OXR1: variants seen among roughly 807,000 people sequenced by gnomAD.
OXR1 encodes oxidation resistance protein 1.
In OXR1, 41 loss-of-function variants were observed where a neutral mutation model predicts 104.6. The ratio of observed to expected loss-of-function variants is 0.39; its 90% confidence interval spans 0.31 to 0.51. OXR1 has a LOEUF of 0.51. Among genes scored for constraint, OXR1 ranks in the 20% least tolerant of loss-of-function variants. The pLI is 0.77. For synonymous variants in OXR1, 348 were observed against 348.4 expected (o/e 1.00, Z 0.01); for missense variants, 955 against 1,031.9 (o/e 0.93, Z 1.02).
At chr8:106,303,869 T>C (rs1813367712) in intron 1 of OXR1, among the ~76,000 whole-genome samples, 1 of 152,226 alleles carries the variant, frequency 6.6e-6, no homozygotes, top group South Asian at 2.1e-4. Flanking sequence ...TTCAGTAATT[T>C]TTCGCTTAAG....
At chr8:106,620,081 C>T (rs528736030) in intron 3 of OXR1, among the ~76,000 whole-genome samples, 3 of 152,218 alleles carry the variant, frequency 2.0e-5, no homozygotes, top group East Asian at 3.9e-4. Flanking sequence ...AGCACTTAAA[C>T]CTCTTCATCT....
At chr8:106,271,263 G>C (rs1811793604) in intron 1 of OXR1, among the ~76,000 whole-genome samples, 1 of 150,738 alleles carries the variant, frequency 6.6e-6, no homozygotes, top group African/African-American at 2.5e-5. Flanking sequence ...TACCCGGCTT[G>C]GACGCACCTC....
chr8:106,524,898 A>T (rs1439081457), intron 3 of OXR1, among the ~76,000 whole-genome samples: 1 of 152,148 alleles, frequency 6.6e-6, no homozygotes, highest in Non-Finnish European at 1.5e-5. Flanking sequence ...TGGGCTCCAT[A>T]GAGCAAGACA....
At chr8:106,602,220 G>A (rs1240693848) in intron 3 of OXR1, among the ~76,000 whole-genome samples, 1 of 152,142 alleles carries the variant, frequency 6.6e-6, no homozygotes, top group African/African-American at 2.4e-5. Flanking sequence ...TTTTTTCTAA[G>A]CCACTAGATT....
chr8:106,687,107 C>G (rs1239141331), intron 6 of OXR1, among the ~76,000 whole-genome samples: 2 of 152,204 alleles, frequency 1.3e-5, no homozygotes, highest in African/African-American at 4.8e-5. Flanking sequence ...AGTGCACTCT[C>G]TCTTGCCCTT....
At chr8:106,717,853 T>G (rs1328931676) in intron 11 of OXR1, among the ~76,000 whole-genome samples, 1 of 152,178 alleles carries the variant, frequency 6.6e-6, no homozygotes, top group Non-Finnish European at 1.5e-5. Context: ...TTCTGGACAT[T>G]TTAACTAATA....
At chr8:106,668,707 T>C (rs919826235) in intron 3 of OXR1, among the ~76,000 whole-genome samples, 2 of 152,182 alleles carry the variant, frequency 1.3e-5, no homozygotes, top group Non-Finnish European at 2.9e-5. Flanking sequence ...GTAACAATAA[T>C]ATAGTCTATC....
Position 106,612,099 on chromosome 8 carries a change from G to GTT in OXR1, c.221-67103_221-67102dup, listed in dbSNP as rs11443786. On this transcript the variant is annotated intron_variant, in intron 3 of 16. Transcript: ENST00000517566. ...ACTCATTTCATAATTTTCTCCTTCA[G>GTT]TTTTTTTTTGTATTTGAGCTTTGCT... 1.1e-3 allele frequency among the ~76,000 whole-genome samples: 163 copies of GTT among 150,690 alleles called. No homozygotes were observed. In the East Asian group the frequency reaches 0.014, roughly 13 times the overall value.
intron 8 of OXR1, among the ~76,000 whole-genome samples, chr8:106,706,143 A>G (rs1480463428): frequency 6.6e-6 from 1 of 152,186 alleles, no homozygotes; most frequent in Admixed American, 6.5e-5. Context: ...TATTTCCTAA[A>G]TATTAAGCAA....
At chr8:106,394,327 A>G (rs548204863) in intron 2 of OXR1, among the ~76,000 whole-genome samples, 1 of 151,890 alleles carries the variant, frequency 6.6e-6, no homozygotes, top group South Asian at 2.1e-4. Flanking sequence ...AAGATAAAAC[A>G]ATTTCTTACA....
intron 2 of OXR1, among the ~76,000 whole-genome samples, chr8:106,362,679 G>A (rs924687440): frequency 6.6e-6 from 1 of 152,184 alleles, no homozygotes; most frequent in Admixed American, 6.5e-5. Context: ...GAGAGACAAT[G>A]AGTAAGTTGA....
chr8:106,508,899 T>G (rs775001607), intron 2 of OXR1, among the ~76,000 whole-genome samples: 18 of 152,248 alleles, frequency 1.2e-4, no homozygotes, highest in Non-Finnish European at 2.6e-4. Context: ...GAAGCTATCT[T>G]GATTAAGTTT....
chr8:106,697,380 TA>T, intron 7 of OXR1: 1 of 1,233,132 alleles, frequency 8.1e-7, no homozygotes. Context: ...TCTACATGTA[TA>T]TTAACCACTC....
chr8:106,502,921 G>A (rs189735342), intron 2 of OXR1, among the ~76,000 whole-genome samples: 34 of 152,186 alleles, frequency 2.2e-4, no homozygotes, highest in Admixed American at 1.9e-3. Flanking sequence ...AAATCCACAC[G>A]AATATTAGAA....
Position 106,751,182 on chromosome 8 carries a change from T to A in OXR1, c.*241T>A, listed in dbSNP as rs571184276. ...TACTAGTATAACAGCTTGGGTTTGT[T>A]AGAATTTGGGCAACATTTTGATTAT... On this transcript the variant is annotated 3_prime_UTR_variant, in exon 17 of 17. Coordinates refer to ENST00000517566, the MANE Select transcript of OXR1 (RefSeq NM_001198533.2). The A allele has an allele frequency of 3.2e-6, 1 of 310,924 alleles. No individual in the cohort carries two copies. The highest frequency in any genetic ancestry group is 2.1e-5 in the African/African-American group (1 of 46,830). 19.3% of individuals were successfully genotyped at this position (310,924 alleles called of 1,614,324 possible).
chr8:106,701,424 A>G (rs1037697527), intron 7 of OXR1, among the ~76,000 whole-genome samples: 2 of 152,148 alleles, frequency 1.3e-5, no homozygotes, highest in Non-Finnish European at 2.9e-5. Context: ...CTTAATTTTT[A>G]TATTCTTAAA....
chr8:106,560,906 G>A (rs924233402), intron 3 of OXR1, among the ~76,000 whole-genome samples: 20 of 152,156 alleles, frequency 1.3e-4, no homozygotes, highest in Admixed American at 3.3e-4. Context: ...AAGTGCAAGT[G>A]GTTGGGGAAC....
At chr8:106,715,706 C>G (rs941007683) in intron 11 of OXR1, among the ~76,000 whole-genome samples, 2 of 151,918 alleles carry the variant, frequency 1.3e-5, no homozygotes, top group Non-Finnish European at 2.9e-5. Flanking sequence ...CAGTCATGAA[C>G]GGGAATTGAG....
Position 106,703,619 on chromosome 8 carries a change from TAA to T in OXR1, c.860+531_860+532del, listed in dbSNP as rs1279004928. On this transcript the variant is annotated intron_variant, in intron 8 of 16. Transcript: ENST00000517566. ...AGAAAACCCACAACTTGCTCAAATA[TAA>T]AGAGTTAACTTTGGAATATACTGGT... is the stretch of plus-strand genomic sequence containing the variant. Among the ~76,000 whole-genome samples, 6 of 152,212 alleles carry T rather than the reference TAA, an allele frequency of 3.9e-5. No individual in the cohort carries two copies. The South Asian group carries it at 1.0e-3, about 26-fold the overall frequency.
Sources: allele counts gnomAD v4.1 joint callset (sites outside exome capture counted in the v4.1 genomes callset), GRCh38; gene constraint gnomAD v4.1.1; transcripts MANE v1.5; gene names NCBI Gene and HGNC (gene_info 2026-07-23, HGNC 2026-07-21).